The following C9orf85 variants were observed in gnomAD, a reference collection of about 807,000 sequenced individuals.
C9orf85 encodes uncharacterized protein C9orf85.
A neutral mutation model predicts 14.9 loss-of-function variants in C9orf85; 16 were observed. The ratio of observed to expected loss-of-function variants is 1.08; its 90% CI spans 0.73 to 1.63. The LOEUF (loss-of-function observed/expected upper bound fraction) is 1.63. Ranked by LOEUF, C9orf85 falls within the 40% of genes most tolerant of loss-of-function variation. The pLI, the probability that C9orf85 is intolerant of heterozygous loss-of-function variation, is 0.00. For missense variants in C9orf85, 172 were observed against 186.1 expected (o/e 0.92, Z 0.44); for synonymous variants, 45 against 56.8 (o/e 0.79, Z 0.93).
intron 1 of C9orf85, among the ~76,000 whole-genome samples, chr9:71,935,198 C>T (rs979681454): frequency 2.0e-5 from 3 of 152,146 alleles, no homozygotes; most frequent in African/African-American, 7.2e-5. Context: ...TGGATAACAG[C>T]ATGGTGGCTA....
chr9:71,957,155 C>G (rs1822400640), intron 2 of C9orf85, among the ~76,000 whole-genome samples: 1 of 152,156 alleles, frequency 6.6e-6, no homozygotes, highest in Admixed American at 6.6e-5. Context: ...CTTAAACTAA[C>G]ATAGCAATGT....
chr9:71,957,799 G>A (rs182347036), intron 2 of C9orf85, among the ~76,000 whole-genome samples: 1 of 152,224 alleles, frequency 6.6e-6, no homozygotes, highest in Non-Finnish European at 1.5e-5. Context: ...AGTTGTGTAT[G>A]TTTTTCCCAC....
intron 1 of C9orf85, among the ~76,000 whole-genome samples, chr9:71,922,274 T>C (rs2132256964): frequency 6.6e-6 from 1 of 152,188 alleles, no homozygotes; most frequent in East Asian, 1.9e-4. Flanking sequence ...CCCAGATCAT[T>C]CATTATTACT....
intron 2 of C9orf85, among the ~76,000 whole-genome samples, chr9:71,948,825 C>A (rs752623954): frequency 6.7e-6 from 1 of 149,286 alleles, no homozygotes; most frequent in South Asian, 2.2e-4. Flanking sequence ...CCCCCCCCCC[C>A]CCTTTAAATA....
chr9:71,951,200 T>C (rs1214989409), intron 2 of C9orf85, among the ~76,000 whole-genome samples: 1 of 152,178 alleles, frequency 6.6e-6, no homozygotes, highest in East Asian at 1.9e-4. Flanking sequence ...CTGGACCATC[T>C]CCAGAGACTT....
chr9:71,916,734 G>A (rs1333474143), intron 1 of C9orf85, among the ~76,000 whole-genome samples: 1 of 152,052 alleles, frequency 6.6e-6, no homozygotes, highest in Non-Finnish European at 1.5e-5. Flanking sequence ...TCAGATTTTG[G>A]AATATTTACA....
At chr9:71,956,216 T>A (rs1822375230) in intron 2 of C9orf85, among the ~76,000 whole-genome samples, 1 of 151,402 alleles carries the variant, frequency 6.6e-6, no homozygotes, top group South Asian at 2.1e-4. Context: ...GGTATCACAA[T>A]TGGTAATAGG....
At chr9:71,959,004 A>G (rs1822445493) in intron 2 of C9orf85, among the ~76,000 whole-genome samples, 2 of 152,162 alleles carry the variant, frequency 1.3e-5, no homozygotes, top group African/African-American at 4.8e-5. Context: ...CCTCTTGTCA[A>G]TTATTTTTAA....
intron 2 of C9orf85, among the ~76,000 whole-genome samples, chr9:71,954,523 C>A (rs1822334545): frequency 6.6e-6 from 1 of 152,126 alleles, no homozygotes; most frequent in Non-Finnish European, 1.5e-5. Flanking sequence ...ATGGTTATTT[C>A]TTGATGATAT....
intron 1 of C9orf85, among the ~76,000 whole-genome samples, chr9:71,935,319 T>C (rs1274357564): frequency 2.6e-5 from 4 of 152,178 alleles, no homozygotes; most frequent in Admixed American, 6.5e-5. Flanking sequence ...TCCATGTTCA[T>C]AGCAGCATTA....
intron 1 of C9orf85, among the ~76,000 whole-genome samples, chr9:71,929,251 ATTC>A (rs1230137364): frequency 2.6e-5 from 4 of 151,880 alleles, no homozygotes; most frequent in Non-Finnish European, 4.4e-5. Context: ...AGGAAATCTC[ATTC>A]TTCTTTTTTG....
At chr9:71,982,360 C>G (rs1229149640) in intron 3 of C9orf85, among the ~76,000 whole-genome samples, 2 of 151,962 alleles carry the variant, frequency 1.3e-5, no homozygotes, top group Non-Finnish European at 2.9e-5. Context: ...CATGCAAACT[C>G]TTTGTGTGGA....
chr9:71,931,948 T>A (rs2132276595), intron 1 of C9orf85, among the ~76,000 whole-genome samples: 1 of 152,240 alleles, frequency 6.6e-6, no homozygotes, highest in South Asian at 2.1e-4. Context: ...TTCTTAGACT[T>A]TGGTGTGCTT....
chr9:71,985,380 G>A (rs1481834779), downstream of C9orf85: 2 of 152,202 alleles, frequency 1.3e-5, no homozygotes, highest in African/African-American at 2.4e-5. Context: ...TTAAATAACA[G>A]ACTTAGTCTA....
downstream of C9orf85, chr9:71,983,621 T>G (rs1327747814): frequency 6.6e-6 from 1 of 152,224 alleles, no homozygotes; most frequent in Admixed American, 6.5e-5. Context: ...TACTGCATCA[T>G]TTACAAAACT....
At chr9:71,915,384 T>C (rs778205419) in intron 1 of C9orf85, among the ~76,000 whole-genome samples, 2 of 152,004 alleles carry the variant, frequency 1.3e-5, no homozygotes, top group Non-Finnish European at 2.9e-5. Flanking sequence ...TTTCACTATG[T>C]TGGCCAGGTT....
chr9:71,972,566 T>C, intron 3 of C9orf85, 126 bp from the exon 4 acceptor site: 1 of 656,896 alleles, frequency 1.5e-6, no homozygotes, highest in Non-Finnish European at 2.3e-6. Flanking sequence ...GGTGGATCTT[T>C]TTCTTTATAC....
chr9:71,975,334 C>CG (rs1564103258), downstream of C9orf85, among the ~76,000 whole-genome samples: 1 of 151,818 alleles, frequency 6.6e-6, no homozygotes, highest in Non-Finnish European at 1.5e-5. Context: ...CCAGCTACTC[C>CG]GGAGGCTGAG....
chr9:71,918,601 C>G, intron 1 of C9orf85: 1 of 374,476 alleles, frequency 2.7e-6, no homozygotes, highest in South Asian at 2.2e-5. Flanking sequence ...CTCCCCAACT[C>G]TCACATTACC....
Sources: allele counts gnomAD v4.1 joint callset (sites outside exome capture counted in the v4.1 genomes callset), GRCh38; gene constraint gnomAD v4.1.1; transcripts MANE v1.5; gene names NCBI Gene and HGNC (gene_info 2026-07-23, HGNC 2026-07-21).